Variants in WDR44 observed in about 807,000 individuals in gnomAD.
WDR44 encodes WD repeat domain 44.
In WDR44, 9 loss-of-function variants were observed where a neutral mutation model predicts 65.7. The observed-to-expected ratio is 0.14, with a 90% CI of 0.08 to 0.24. The LOEUF (loss-of-function observed/expected upper bound fraction) is 0.24, where lower values mean the gene tolerates loss of function less well. Ranked by LOEUF, WDR44 falls within the 10% of genes least tolerant of loss-of-function variation. The pLI is 1.00. For synonymous variants in WDR44, 220 were observed against 235.2 expected (o/e 0.94, Z 0.59); for missense variants, 425 against 670.9 (o/e 0.63, Z 4.05).
Position 118,444,455 on chromosome X carries a change from A to C in WDR44, c.2608A>C (p.Lys870Gln). The change falls in exon 19 of 20, where the codon AAA becomes CAA. Residue 870 changes from lysine (K) to glutamine (Q), a missense_variant. Coordinates refer to ENST00000254029, the MANE Select transcript of WDR44 (RefSeq NM_019045.5). ...VQSEKSEGNEKSEDAEVLDAT... is the reference protein window; with the variant it reads ...VQSEKSEGNEQSEDAEVLDAT... Reference sequence around the variant, plus strand: ...ATCTGAAAAATCAGAAGGGAACGAGAAAAGTGAAGATGCTGAAGTTTTGGA... The same window carrying C: ...ATCTGAAAAATCAGAAGGGAACGAGCAAAGTGAAGATGCTGAAGTTTTGGA... The C allele has an allele frequency of 8.3e-7, 1 of 1,211,374 alleles. No individual in the cohort carries two copies. Among genetic ancestry groups the C allele is most frequent in the Non-Finnish European group, 1.1e-6 (1 of 895,201 alleles).
At chrX:118,387,440 A>C (rs764435253) in intron 3 of WDR44, 26 bp downstream of exon 3, 1 of 1,043,062 alleles carries the variant, frequency 9.6e-7, no homozygotes, top group South Asian at 2.1e-5. Flanking sequence ...TGTCAATATT[A>C]GTTTATAGCA....
At chrX:118,364,012 A>G (rs1274505938) in intron 1 of WDR44, among the ~76,000 whole-genome samples, 1 of 112,226 alleles carries the variant, frequency 8.9e-6, no homozygotes, top group Admixed American at 9.5e-5. Context: ...CAGATATATT[A>G]TATGCCAAAT....
At chrX:118,394,334 A>G (rs1020733628) in intron 5 of WDR44, 149 bp downstream of exon 5, 3 of 790,881 alleles carry the variant, frequency 3.8e-6, no homozygotes, top group South Asian at 7.4e-5. Context: ...GCTCTGCTAC[A>G]TGCTAACTGG....
At chrX:118,359,773 A>G (rs1453180373) in intron 1 of WDR44, among the ~76,000 whole-genome samples, 2 of 112,407 alleles carry the variant, frequency 1.8e-5, no homozygotes, top group Non-Finnish European at 3.8e-5. Context: ...CTATGCTTTC[A>G]TAGTATTTAA....
chrX:118,415,299 T>C (rs928635068), intron 12 of WDR44, among the ~76,000 whole-genome samples: 4 of 112,064 alleles, frequency 3.6e-5, no homozygotes, highest in African/African-American at 1.3e-4. Flanking sequence ...GTTAAGGATT[T>C]TAGCATCTAT....
chrX:118,423,850 G>A (rs1474956602), intron 12 of WDR44, among the ~76,000 whole-genome samples: 2 of 111,993 alleles, frequency 1.8e-5, no homozygotes, highest in African/African-American at 6.5e-5. Flanking sequence ...GCATTATGTA[G>A]TATTTGTCCA....
Position 118,435,381 on chromosome X carries a change from G to A in WDR44, c.1852-1321G>A, listed in dbSNP as rs370659638. On this transcript the variant is annotated intron_variant, in intron 13 of 19. Coordinates refer to ENST00000254029, the MANE Select transcript of WDR44 (RefSeq NM_019045.5). ...CAACCTCCATCTCCCAGGTTCAAGC[G>A]ATTCTCCTGCCTCAGCCTCCCCGAG... 8.0e-5 allele frequency among the ~76,000 whole-genome samples: 9 copies of A among 112,702 alleles called. No individual in the cohort carries two copies. In the East Asian group the frequency reaches 8.4e-4, roughly 11 times the overall value.
intron 1 of WDR44, among the ~76,000 whole-genome samples, chrX:118,366,326 A>T (rs960553196): frequency 9.0e-6 from 1 of 111,632 alleles, no homozygotes; most frequent in African/African-American, 3.3e-5. Flanking sequence ...TCTGAGTGCC[A>T]GCCTTTCTGA....
chrX:118,401,859 G>A (rs925694941), intron 8 of WDR44, among the ~76,000 whole-genome samples: 6 of 109,022 alleles, frequency 5.5e-5, no homozygotes, highest in Non-Finnish European at 7.6e-5. Flanking sequence ...AAGATGTAAG[G>A]AAGGGATCCA....
intron 1 of WDR44, among the ~76,000 whole-genome samples, chrX:118,365,293 T>C (rs1424884577): frequency 8.9e-6 from 1 of 111,777 alleles, no homozygotes; most frequent in African/African-American, 3.3e-5. Flanking sequence ...CATTTTACAT[T>C]TATCCCTACT....
chrX:118,387,516 T>TCAGCCATGTACAGA, intron 3 of WDR44, 102 bp downstream of exon 3: 1 of 440,162 alleles, frequency 2.3e-6, no homozygotes, highest in Non-Finnish European at 3.5e-6. Flanking sequence ...GCTCTGTACA[T>TCAGCCATGTACAGA]GGCTGATGTT....
At chrX:118,348,181 A>G (rs900700128) in intron 1 of WDR44, among the ~76,000 whole-genome samples, 2 of 111,932 alleles carry the variant, frequency 1.8e-5, no homozygotes, top group Non-Finnish European at 3.8e-5. Flanking sequence ...ACCTGTGTAA[A>G]CTGTCTAGTC....
chrX:118,421,259 G>T (rs939922432), intron 12 of WDR44, among the ~76,000 whole-genome samples: 1 of 111,719 alleles, frequency 9.0e-6, no homozygotes, highest in East Asian at 2.8e-4. Context: ...CTTTTATTGC[G>T]CTTATTTCAG....
At chrX:118,374,377 A>T (rs1273755686) in intron 1 of WDR44, among the ~76,000 whole-genome samples, 2 of 111,589 alleles carry the variant, frequency 1.8e-5, no homozygotes, top group African/African-American at 6.5e-5. Flanking sequence ...TGTTCTACAA[A>T]TGGATTTAGA....
chrX:118,378,562 C>A, intron 2 of WDR44, 110 bp downstream of exon 2: 1 of 739,076 alleles, frequency 1.4e-6, no homozygotes, highest in Non-Finnish European at 2.0e-6. Flanking sequence ...TTACTTTTTG[C>A]TCAGTAATGT....
At chrX:118,346,675 C>A in intron 1 of WDR44, 95 bp downstream of exon 1, 2 of 686,045 alleles carry the variant, frequency 2.9e-6, no homozygotes, top group South Asian at 3.0e-5. Context: ...CCCGCTGTGT[C>A]CGCCACCGCT....
intron 19 of WDR44, among the ~76,000 whole-genome samples, 196 bp downstream of exon 19, chrX:118,444,690 C>A (rs2057331467): frequency 8.9e-6 from 1 of 111,861 alleles, no homozygotes; most frequent in South Asian, 3.7e-4. Context: ...CCTCAACCAC[C>A]CTGGACTCAG....
chrX:118,428,158 G>A (rs1012312917), intron 12 of WDR44, among the ~76,000 whole-genome samples: 17 of 109,399 alleles, frequency 1.6e-4, no homozygotes, highest in African/African-American at 4.6e-4. Context: ...TATGGTGACC[G>A]CCACCTGTAA....
chrX:118,416,373 A>G (rs2057057246), intron 12 of WDR44, among the ~76,000 whole-genome samples: 1 of 111,566 alleles, frequency 9.0e-6, no homozygotes, highest in African/African-American at 3.3e-5. Flanking sequence ...AAAGGTTATG[A>G]TAGATTGTTT....
Sources: gnomAD v4.1 joint callset for allele counts (sites outside exome capture counted in the v4.1 genomes callset) on GRCh38, gnomAD v4.1.1 for gene constraint, MANE v1.5 for transcripts, NCBI Gene and HGNC (gene_info 2026-07-23, HGNC 2026-07-21) for gene names.